The following TBX20 variants were observed in gnomAD, a reference collection of about 807,000 sequenced individuals.
TBX20 encodes T-box transcription factor TBX20.
Under a neutral mutation model 42.9 loss-of-function variants are expected in TBX20, and 8 were observed. The observed-to-expected ratio is 0.19, with a 90% confidence interval of 0.11 to 0.34. TBX20 has a LOEUF of 0.34. TBX20 is among the 10% of genes least tolerant of loss of function. The pLI is 1.00. For synonymous variants in TBX20, 198 were observed against 222.8 expected (o/e 0.89, Z 0.99); for missense variants, 411 against 566.0 (o/e 0.73, Z 2.78).
Position 35,253,859 on chromosome 7 carries a change from C to T in TBX20, c.-239G>A, listed in dbSNP as rs1227529763. 2 of 537,454 alleles carry T rather than the reference C, an allele frequency of 3.7e-6. No homozygotes were observed. Among genetic ancestry groups the T allele is most frequent in the African/African-American group, 1.9e-5 (1 of 52,354 alleles). The allele number at this position is 537,454 out of a possible 1,614,324, so 33.3% of individuals were successfully genotyped here. On this transcript the variant is annotated 5_prime_UTR_variant, in exon 1 of 8. Coordinates refer to ENST00000408931, the MANE Select transcript of TBX20 (RefSeq NM_001077653.2). ...GGCAGCCGGAGAGGAGAGGGCCCACCGAGCACTACGGCGGGTGCGCACGCC... is the reference window on the plus strand; with the variant it reads ...GGCAGCCGGAGAGGAGAGGGCCCACTGAGCACTACGGCGGGTGCGCACGCC...
At chr7:35,232,288 A>C (rs1002617979) in intron 5 of TBX20, among the ~76,000 whole-genome samples, 29 of 152,362 alleles carry the variant, frequency 1.9e-4, no homozygotes, top group African/African-American at 6.2e-4. Context: ...TTAAATGTCC[A>C]TGCTGTGGTA....
intron 6 of TBX20, among the ~76,000 whole-genome samples, chr7:35,227,112 A>G (rs1436294959): frequency 6.6e-6 from 1 of 152,100 alleles, no homozygotes; most frequent in Non-Finnish European, 1.5e-5. Context: ...AAAAAATTGA[A>G]AAAACTTACG....
At chr7:35,225,755 A>G (rs1342592061) in intron 6 of TBX20, among the ~76,000 whole-genome samples, 2 of 152,244 alleles carry the variant, frequency 1.3e-5, no homozygotes, top group Non-Finnish European at 2.9e-5. Context: ...AGCCTAAGCT[A>G]AATTCCTGTA....
Position 35,205,727 on chromosome 7 carries a change from T to C in TBX20, c.891-1145A>G, listed in dbSNP as rs1584338514. 3.9e-5 allele frequency among the ~76,000 whole-genome samples: 6 copies of C among 152,204 alleles called. No homozygotes were observed. In the East Asian group the frequency reaches 1.2e-3, roughly 29 times the overall value. ...ACATAGATGAAGGCATTTTATAATATATAGTATGACTATGACTATGAGGAC... is the reference window on the plus strand; with the variant it reads ...ACATAGATGAAGGCATTTTATAATACATAGTATGACTATGACTATGAGGAC... On this transcript the variant is annotated intron_variant, in intron 6 of 7. Coordinates refer to ENST00000408931, the MANE Select transcript of TBX20 (RefSeq NM_001077653.2).
chr7:35,240,262 C>T (rs1007763226), intron 5 of TBX20, among the ~76,000 whole-genome samples: 3 of 152,084 alleles, frequency 2.0e-5, no homozygotes, highest in African/African-American at 7.2e-5. Flanking sequence ...AGTGTCATGT[C>T]AATGTTCAAA....
chr7:35,240,727 C>G (rs1790059042), intron 5 of TBX20, 152 bp downstream of exon 5: 8 of 694,532 alleles, frequency 1.2e-5, no homozygotes, highest in Non-Finnish European at 9.8e-6. Context: ...TCACTCAACA[C>G]ACTCTTAGAG....
At chr7:35,244,248 T>C (rs1790137427) in intron 4 of TBX20, among the ~76,000 whole-genome samples, 1 of 152,226 alleles carries the variant, frequency 6.6e-6, no homozygotes, top group African/African-American at 2.4e-5. Flanking sequence ...AGGCATTTTA[T>C]CAAATATGTA....
rs1790148838 is a variant in TBX20, at chr7:35,244,842, G to C, written c.654+107C>G. 3 of 774,964 alleles carry C rather than the reference G, an allele frequency of 3.9e-6. No individual in the cohort carries two copies. In the Admixed American group the frequency reaches 5.7e-5, roughly 15 times the overall value. 48.0% of individuals were successfully genotyped at this position (774,964 alleles called of 1,614,324 possible). A position where few individuals can be genotyped will look rare whatever the true frequency, so the allele number is the denominator to read the frequency against. On this transcript the variant is annotated intron_variant, in intron 4 of 7. Coordinates refer to ENST00000408931, the MANE Select transcript of TBX20 (RefSeq NM_001077653.2). ...CCATAAAATGACTCAGAGATAGAAG[G>C]TGGGAAGGGGATAGGGAAGGCAGGA...
intron 6 of TBX20, among the ~76,000 whole-genome samples, chr7:35,212,088 C>A (rs1237960688): frequency 6.6e-6 from 1 of 152,128 alleles, no homozygotes; most frequent in African/African-American, 2.4e-5. Context: ...TTTCCCACAA[C>A]TGACACTCTT....
At position 35,202,730 on chromosome 7, in the gene TBX20, G is replaced by T. The variant is rs1562554978; in HGVS notation, c.1044C>A (p.Ser348=). Reference sequence around the variant, plus strand: ...GAAAACTGGAAGAAGATGATACCCAGGAGCTGAGAGACAAATTATCAGATG... The same window carrying T: ...GAAAACTGGAAGAAGATGATACCCATGAGCTGAGAGACAAATTATCAGATG... ...FTTSDNLSLS[S]WVSSSSSFPG... is the part of the protein sequence containing the mutation. The change falls in exon 8 of 8, where the codon TCC becomes TCA. Residue 348 remains serine, a synonymous_variant. Transcript: ENST00000408931. The T allele has an allele frequency of 6.3e-7, 1 of 1,576,466 alleles. No homozygotes were observed. The highest frequency in any genetic ancestry group is 8.6e-7 in the Non-Finnish European group (1 of 1,160,946).
chr7:35,247,983 G>A (rs567390768), intron 3 of TBX20, among the ~76,000 whole-genome samples: 2 of 152,208 alleles, frequency 1.3e-5, no homozygotes, highest in Admixed American at 6.5e-5. Flanking sequence ...CTTTTTTAAG[G>A]ATGGTACTCC....
intron 6 of TBX20, among the ~76,000 whole-genome samples, chr7:35,224,973 TTCAA>T (rs1175164782): frequency 1.3e-5 from 2 of 151,782 alleles, no homozygotes; most frequent in East Asian, 1.9e-4. Context: ...TCCCAGAAAT[TTCAA>T]TCAGTGTAAT....
intron 1 of TBX20, among the ~76,000 whole-genome samples, chr7:35,251,030 T>C (rs1476340435): frequency 2.0e-5 from 3 of 152,152 alleles, no homozygotes; most frequent in Non-Finnish European, 4.4e-5. Flanking sequence ...CAGCAGTGTA[T>C]TAAAGTGAGA....
Position 35,231,500 on chromosome 7 carries a change from T to C in TBX20, c.890+4A>G, listed in dbSNP as rs926778171. ...CAAGAAAGTAAACAGAAAATTCTCA[T>C]TACCTCTCAATGTCAGTGAGCCTGG... On this transcript the variant is annotated splice_donor_region_variant and intron_variant, in intron 6 of 7. Coordinates refer to ENST00000408931, the MANE Select transcript of TBX20 (RefSeq NM_001077653.2). 1 of 1,609,250 alleles carries C rather than the reference T, an allele frequency of 6.2e-7. No homozygotes were observed. The highest frequency in any genetic ancestry group is 8.5e-7 in the Non-Finnish European group (1 of 1,175,758).
At chr7:35,251,114 A>G (rs1790297202) in intron 1 of TBX20, among the ~76,000 whole-genome samples, 1 of 152,192 alleles carries the variant, frequency 6.6e-6, no homozygotes. Context: ...CACAGCTGAT[A>G]AGGGCCTGGG....
chr7:35,237,462 C>A (rs76289399), intron 5 of TBX20, among the ~76,000 whole-genome samples: 54,662 of 150,628 alleles, frequency 0.36, 10,153 homozygotes, highest in Admixed American at 0.46. Flanking sequence ...ATAGTGTTCT[C>A]ATTGTCAGAA....
chr7:35,246,624 G>A (rs1790193116), intron 3 of TBX20, among the ~76,000 whole-genome samples: 1 of 152,048 alleles, frequency 6.6e-6, no homozygotes, highest in South Asian at 2.1e-4. Context: ...TTACAATCAA[G>A]TGATACTGTC....
In TBX20 at chr7:35,202,530, G is replaced by A. The variant is rs111403731; in HGVS notation, c.1244C>T (p.Ser415Leu). 6.2e-7 allele frequency: 1 copy of A among 1,613,496 alleles called. No homozygotes were observed. Among genetic ancestry groups the A allele is most frequent in the Admixed American group, 1.7e-5 (1 of 59,970 alleles). The change falls in exon 8 of 8, where the codon TCA becomes TTA. Residue 415 changes from serine (S) to leucine (L), a missense_variant. Coordinates refer to ENST00000408931, the MANE Select transcript of TBX20 (RefSeq NM_001077653.2). The stretch of plus-strand genomic sequence containing the variant: ...GTGATGGTATCGCGGCATGTGGAAT[G>A]AAGGGAATGTGGGGCCACTCCCTTG... ...SMQGSGPTFP[S>L]FHMPRYHHYF...
chr7:35,231,667 C>A (rs1789869595), intron 5 of TBX20, 87 bp from the exon 6 acceptor site: 1 of 855,840 alleles, frequency 1.2e-6, no homozygotes, highest in Non-Finnish European at 2.0e-6. Context: ...CCATAGCACA[C>A]CAAGAATATC....
Sources: allele counts gnomAD v4.1 joint callset (sites outside exome capture counted in the v4.1 genomes callset), GRCh38; gene constraint gnomAD v4.1.1; transcripts MANE v1.5; gene names NCBI Gene and HGNC (gene_info 2026-07-23, HGNC 2026-07-21).